The following NCKAP5L variants were observed in gnomAD, a reference collection of about 807,000 sequenced individuals.
The protein encoded by NCKAP5L is nck-associated protein 5-like.
NCKAP5L carries 54 observed loss-of-function variants against 103.2 expected under a neutral mutation model. That is an observed-to-expected ratio of 0.52 (90% CI 0.42 to 0.66). The LOEUF (loss-of-function observed/expected upper bound fraction) is 0.66. Ranked by LOEUF, NCKAP5L falls within the 30% of genes least tolerant of loss-of-function variation. The pLI is 0.00. For synonymous variants in NCKAP5L, 762 were observed against 748.6 expected (o/e 1.02, Z -0.29); for missense variants, 1,733 against 1,750.6 (o/e 0.99, Z 0.18).
intron 1 of NCKAP5L, among the ~76,000 whole-genome samples, chr12:49,825,303 C>CGGG (rs1565598857): frequency 6.6e-6 from 1 of 152,158 alleles, no homozygotes; most frequent in African/African-American, 2.4e-5. Flanking sequence ...GACTGGGGCT[C>CGGG]GGGGAACCTG....
chr12:49,807,725 A>T (rs1241432308), intron 1 of NCKAP5L, among the ~76,000 whole-genome samples: 1 of 152,214 alleles, frequency 6.6e-6, no homozygotes, highest in African/African-American at 2.4e-5. Flanking sequence ...CCAGCATCTG[A>T]CCAGTGCCAC....
chr12:49,822,975 G>A (rs1667640952), intron 1 of NCKAP5L, among the ~76,000 whole-genome samples: 1 of 152,140 alleles, frequency 6.6e-6, no homozygotes. Context: ...CCTCTTCCAG[G>A]CCCCTAGGAC....
intron 1 of NCKAP5L, among the ~76,000 whole-genome samples, chr12:49,819,707 G>T (rs1380478091): frequency 6.6e-6 from 1 of 152,212 alleles, no homozygotes; most frequent in African/African-American, 2.4e-5. Flanking sequence ...GGGAAGAAAA[G>T]AAAACAGACA....
In NCKAP5L at chr12:49,795,944, C is replaced by A. The variant is rs1946032454; in HGVS notation, c.1916G>T (p.Gly639Val). The stretch of plus-strand genomic sequence containing the variant: ...CTGGCTGGGCTTCTTGGATGAGTTG[C>A]CTGGGGTCCTGCGGCCGGGATGGGG... The part of the protein sequence containing the change: ...ESPHPGRRTP[G>V]NSSKKPSQGS... The change falls in exon 8 of 13, where the codon GGC becomes GTC. Residue 639 changes from glycine (G) to valine (V), a missense_variant. Transcript: ENST00000335999. 1 of 1,528,986 alleles carries A rather than the reference C, an allele frequency of 6.5e-7. No homozygotes were observed. The highest frequency in any genetic ancestry group is 2.3e-5 in the Admixed American group (1 of 43,600). The allele number at this position is 1,528,986 out of a possible 1,614,324, so 94.7% of individuals were successfully genotyped here.
intron 1 of NCKAP5L, among the ~76,000 whole-genome samples, chr12:49,824,226 C>G (rs1439174371): frequency 3.3e-5 from 5 of 152,336 alleles, no homozygotes; most frequent in African/African-American, 4.8e-5. Context: ...AGCAGGCTGA[C>G]AGCTGCCTCA....
At position 49,795,662 on chromosome 12, in the gene NCKAP5L, G is replaced by T. The variant is rs1218700470; in HGVS notation, c.2198C>A (p.Thr733Lys). The change falls in exon 8 of 13, where the codon ACA (threonine) becomes AAA (lysine). Residue 733 changes from threonine (T) to lysine (K), a missense_variant. Transcript: ENST00000335999. Reference protein sequence around the residue: ...GGIRGAVALGTNSLKQQEPGL... With the variant: ...GGIRGAVALGKNSLKQQEPGL... ...AGGTTCCTGCTGCTTCAGGCTGTTT[G>T]TGCCCAAGGCCACTGCCCCCCGTAT... 6.2e-7 allele frequency: 1 copy of T among 1,612,398 alleles called. No individual in the cohort carries two copies. The highest frequency in any genetic ancestry group is 1.3e-5 in the African/African-American group (1 of 74,846).
At chr12:49,798,709 C>T (rs924012658) in intron 6 of NCKAP5L, among the ~76,000 whole-genome samples, 2 of 152,154 alleles carry the variant, frequency 1.3e-5, no homozygotes, top group Admixed American at 6.5e-5. Flanking sequence ...ATGAATGTCC[C>T]GAGCCCAGAG....
Position 49,797,439 on chromosome 12 carries a change from G to A in NCKAP5L, c.466-45C>T. The A allele has an allele frequency of 2.1e-6, 3 of 1,431,798 alleles. No individual in the cohort carries two copies. The highest frequency in any genetic ancestry group is 1.9e-6 in the Non-Finnish European group (2 of 1,051,146). 88.7% of individuals were successfully genotyped at this position (1,431,798 alleles called of 1,614,324 possible). On this transcript the variant is annotated intron_variant, in intron 7 of 12. Transcript: ENST00000335999. This position sits in a 1 kb window ranked among gnomAD's most constrained non-coding sequence, Gnocchi z 4.5. ...CATGAGGAGGAGACCACACACAGCT[G>A]GGATCCAGTTCCAGGCCCAGGCCCT...
Position 49,792,035 on chromosome 12 carries a change from C to T in NCKAP5L, c.3809G>A (p.Arg1270Gln), listed in dbSNP as rs557330473. Reference protein sequence around the residue: ...PRTPMALPVDRKRSQEPSRPS... With the variant: ...PRTPMALPVDQKRSQEPSRPS... Reference sequence around the variant, plus strand: ...GCGGCTGGGCTCCTGGCTTCGCTTCCGGTCCACGGGCAGGGCCTGGGAAAG... The same window carrying T: ...GCGGCTGGGCTCCTGGCTTCGCTTCTGGTCCACGGGCAGGGCCTGGGAAAG... Residue 1270 changes from arginine to glutamine, a missense_variant, in exon 13 of 13, where the codon CGG (arginine) becomes CAG (glutamine). Coordinates refer to ENST00000335999, the MANE Select transcript of NCKAP5L (RefSeq NM_001037806.4). This position sits in a 1 kb window ranked among gnomAD's most constrained non-coding sequence, Gnocchi z 4.5. The T allele has an allele frequency of 2.6e-5, 40 of 1,553,614 alleles. No individual in the cohort carries two copies. In the African/African-American group the frequency reaches 3.0e-4, roughly 12 times the overall value.
intron 1 of NCKAP5L, among the ~76,000 whole-genome samples, chr12:49,818,970 G>A (rs1946331082): frequency 6.6e-6 from 1 of 150,840 alleles, no homozygotes; most frequent in Admixed American, 6.6e-5. Flanking sequence ...GCCAAGGCAG[G>A]AGGATCACTT....
intron 1 of NCKAP5L, among the ~76,000 whole-genome samples, chr12:49,820,670 C>G (rs116121227): frequency 0.014 from 2,105 of 152,270 alleles, 51 homozygotes; most frequent in African/African-American, 0.048. Context: ...GCCAATATGC[C>G]TTCTGCACTC....
intron 1 of NCKAP5L, among the ~76,000 whole-genome samples, chr12:49,809,940 C>T (rs1946221557): frequency 1.3e-5 from 2 of 152,104 alleles, no homozygotes; most frequent in South Asian, 2.1e-4. Context: ...GGGCCCCCTA[C>T]ATCCCCCCAA....
At chr12:49,812,237 A>G (rs992202367) in intron 1 of NCKAP5L, among the ~76,000 whole-genome samples, 1 of 152,068 alleles carries the variant, frequency 6.6e-6, no homozygotes, top group Non-Finnish European at 1.5e-5. Flanking sequence ...TTCTGTCTCT[A>G]TTGAGTTCCC....
At chr12:49,815,250 A>G (rs1201264280) in intron 1 of NCKAP5L, among the ~76,000 whole-genome samples, 1 of 152,222 alleles carries the variant, frequency 6.6e-6, no homozygotes, top group Non-Finnish European at 1.5e-5. Flanking sequence ...AAATCAGTGG[A>G]TCTTGCTTGT....
chr12:49,797,848 C>T lies in NCKAP5L; in HGVS notation c.466-454G>A, dbSNP rs1946075671. Among the ~76,000 whole-genome samples the T allele has an allele frequency of 6.6e-6, 1 of 152,166 alleles. No homozygotes were observed. On this transcript the variant is annotated intron_variant, in intron 7 of 12. Transcript: ENST00000335999. The surrounding 1 kb of genome is among the most constrained non-coding windows in gnomAD (Gnocchi z 4.5). ...GGCAAACCCAGGCCTCCTCAGGGAACACAGCTGACCCCGCTGACCTCATCC... is the reference window on the plus strand; with the variant it reads ...GGCAAACCCAGGCCTCCTCAGGGAATACAGCTGACCCCGCTGACCTCATCC...
Position 49,793,840 on chromosome 12 carries a change from C to A in NCKAP5L, c.3152G>T (p.Gly1051Val). ...GTCAGAAGACACCGGCTGGAAATCC[C>A]CGTACTCAGGCTTGGGCTCCCGCCA... ...KSWREPKPEY[G>V]DFQPVSSDPK... The change falls in exon 9 of 13, where the codon GGG becomes GTG. Residue 1051 changes from glycine (G) to valine (V), a missense_variant. By Grantham distance (109) the Gly-to-Val change is moderately radical. Coordinates refer to ENST00000335999, the MANE Select transcript of NCKAP5L (RefSeq NM_001037806.4). 1 of 1,584,950 alleles carries A rather than the reference C, an allele frequency of 6.3e-7. No homozygotes were observed. Among genetic ancestry groups the A allele is most frequent in the African/African-American group, 1.3e-5 (1 of 74,338 alleles).
In NCKAP5L at chr12:49,792,330, G is replaced by A; in HGVS notation, c.3792+116C>T. 6.5e-7 allele frequency: 1 copy of A among 1,542,134 alleles called. No homozygotes were observed. Among genetic ancestry groups the A allele is most frequent in the African/African-American group, 1.4e-5 (1 of 73,176 alleles). ...CATCCCAGGGGTCCTCCTCCCAGAGGGTGCAGCACTGAGACTGTGCGACAC... is the reference window on the plus strand; with the variant it reads ...CATCCCAGGGGTCCTCCTCCCAGAGAGTGCAGCACTGAGACTGTGCGACAC... On this transcript the variant is annotated intron_variant, in intron 12 of 12. Transcript: ENST00000335999. The surrounding 1 kb of genome is among the most constrained non-coding windows in gnomAD (Gnocchi z 4.5).
chr12:49,817,781 T>C (rs746472779), intron 1 of NCKAP5L, among the ~76,000 whole-genome samples: 1 of 152,106 alleles, frequency 6.6e-6, no homozygotes, highest in Non-Finnish European at 1.5e-5. Flanking sequence ...AAGACTGAAA[T>C]TAGATTAGAC....
rs912366820 is a variant in NCKAP5L, at chr12:49,797,663, A to G, written c.466-269T>C. On this transcript the variant is annotated intron_variant, in intron 7 of 12. Transcript: ENST00000335999. The surrounding 1 kb of genome is among the most constrained non-coding windows in gnomAD (Gnocchi z 4.5). ...CCTTTTCTTGGTTGCCCCAGCCCCTACTCCCCACAGCCATTTGGATTAGCA... is the reference window on the plus strand; with the variant it reads ...CCTTTTCTTGGTTGCCCCAGCCCCTGCTCCCCACAGCCATTTGGATTAGCA... 7.9e-5 allele frequency among the ~76,000 whole-genome samples: 12 copies of G among 151,750 alleles called. No homozygotes were observed. The highest frequency in any genetic ancestry group is 2.9e-4 in the African/African-American group (12 of 41,286).
Sources: allele counts gnomAD v4.1 joint callset (sites outside exome capture counted in the v4.1 genomes callset), GRCh38; gene constraint gnomAD v4.1.1; non-coding constraint Gnocchi (gnomAD v3.1); transcripts MANE v1.5; gene names NCBI Gene and HGNC (gene_info 2026-07-23, HGNC 2026-07-21).